CCDC110: variants seen among roughly 807,000 people sequenced by gnomAD.
CCDC110 encodes the protein coiled-coil domain-containing protein 110.
CCDC110 carries 70 observed loss-of-function variants against 77.1 expected under a neutral mutation model. The ratio of observed to expected loss-of-function variants is 0.91; its 90% CI spans 0.75 to 1.11. CCDC110 has a LOEUF of 1.11. CCDC110 is among the 50% of genes least tolerant of loss of function. CCDC110 has a pLI of 0.00. For missense variants in CCDC110, 868 were observed against 942.9 expected (o/e 0.92, Z 1.04); for synonymous variants, 295 against 312.5 (o/e 0.94, Z 0.59).
chr4:185,461,172 A>C lies in CCDC110; in HGVS notation c.238-13T>G. On this transcript the variant is annotated splice_polypyrimidine_tract_variant and intron_variant, in intron 4 of 6. Transcript: ENST00000307588. ...TTTCCGACTGTACCTTTAAAAGATA[A>C]ATTGAGAAAAATTTGATTTCAGATT... The C allele has an allele frequency of 1.5e-6, 2 of 1,307,788 alleles. No homozygotes were observed. The highest frequency in any genetic ancestry group is 2.2e-6 in the Non-Finnish European group (2 of 925,414). The allele number at this position is 1,307,788 out of a possible 1,614,324, so 81.0% of individuals were successfully genotyped here. A position where few individuals can be genotyped will look rare whatever the true frequency, so the allele number is the denominator to read the frequency against.
chr4:185,455,382 CCTA>C (rs1166384159), intron 6 of CCDC110, among the ~76,000 whole-genome samples: 1 of 151,938 alleles, frequency 6.6e-6, no homozygotes, highest in African/African-American at 2.4e-5. Flanking sequence ...CAGAGTTTCT[CCTA>C]CTGATTCATC....
At chr4:185,463,781 G>A (rs1462757885) in intron 2 of CCDC110, among the ~76,000 whole-genome samples, 1 of 152,092 alleles carries the variant, frequency 6.6e-6, no homozygotes, top group East Asian at 1.9e-4. Context: ...ATTATAGATG[G>A]GCCAGAAGGG....
intron 2 of CCDC110, 97 bp downstream of exon 2, chr4:185,470,848 A>G (rs1686352290): frequency 1.1e-6 from 1 of 889,334 alleles, no homozygotes; most frequent in Admixed American, 1.7e-5. Context: ...CCGTGTCATC[A>G]CGGCCGTGGG....
intron 2 of CCDC110, among the ~76,000 whole-genome samples, chr4:185,463,786 G>C (rs1041361775): frequency 6.6e-6 from 1 of 152,204 alleles, no homozygotes; most frequent in Admixed American, 6.5e-5. Context: ...AGATGGGCCA[G>C]AAGGGGCCCT....
At chr4:185,466,171 C>T (rs1387456084) in intron 2 of CCDC110, among the ~76,000 whole-genome samples, 2 of 152,040 alleles carry the variant, frequency 1.3e-5, no homozygotes, top group East Asian at 1.9e-4. Flanking sequence ...GTCAGGAGAT[C>T]GAGACCATCC....
intron 2 of CCDC110, among the ~76,000 whole-genome samples, chr4:185,467,266 C>T (rs1281051629): frequency 6.6e-6 from 1 of 152,174 alleles, no homozygotes; most frequent in Non-Finnish European, 1.5e-5. Flanking sequence ...GGCAGGGAGT[C>T]GGATTCATCT....
At chr4:185,461,534 A>G (rs2095646443) in intron 4 of CCDC110, among the ~76,000 whole-genome samples, 2 of 152,150 alleles carry the variant, frequency 1.3e-5, no homozygotes, top group South Asian at 2.1e-4. Flanking sequence ...GAATATTGGG[A>G]TGAAGTTTAC....
At position 185,459,174 on chromosome 4, in the gene CCDC110, C is replaced by A. The variant is rs773450079; in HGVS notation, c.1413G>T (p.Gln471His). Residue 471 changes from glutamine (Q) to histidine (H), a missense_variant, in exon 6 of 7, where the codon CAG becomes CAT. Physicochemically the swap from Gln to His is conservative, Grantham distance 24. Transcript: ENST00000307588. ...PLIFTTQSLI[Q>H]KVETYEKQLK... is the part of the protein sequence containing the mutation. ...GTTGCTTTTCATATGTTTCAACTTT[C>A]TGTATGAGAGATTGTGTGGTAAAGA... 1 of 1,601,364 alleles carries A rather than the reference C, an allele frequency of 6.2e-7. No individual in the cohort carries two copies. Among genetic ancestry groups the A allele is most frequent in the South Asian group, 1.1e-5 (1 of 88,006 alleles).
chr4:185,448,584 C>A (rs2095621531), intron 6 of CCDC110, among the ~76,000 whole-genome samples: 1 of 152,176 alleles, frequency 6.6e-6, no homozygotes, highest in Non-Finnish European at 1.5e-5. Context: ...GTAATTTAAA[C>A]TGTTGTCTAC....
intron 6 of CCDC110, among the ~76,000 whole-genome samples, chr4:185,448,899 A>T (rs1445604887): frequency 3.3e-5 from 5 of 152,186 alleles, no homozygotes; most frequent in African/African-American, 7.2e-5. Flanking sequence ...AGAATAAGTG[A>T]TTATTCTTTT....
At chr4:185,461,002 G>GTTTTTTTTTTTTTTT (rs1554033398) in intron 5 of CCDC110, 47 bp downstream of exon 5, 19 of 951,100 alleles carry the variant, frequency 2.0e-5, no homozygotes, top group South Asian at 5.5e-5. Context: ...TGGTAGTCAC[G>GTTTTTTTTTTTTTTT]TTTTGAAGTA....
intron 2 of CCDC110, chr4:185,470,678 G>T: frequency 1.8e-6 from 1 of 565,084 alleles, no homozygotes; most frequent in Non-Finnish European, 3.4e-6. Context: ...CTGCCTGTGT[G>T]ACCTTAGGGA....
intron 6 of CCDC110, among the ~76,000 whole-genome samples, chr4:185,446,436 TG>T (rs1426288466): frequency 6.6e-6 from 1 of 152,202 alleles, no homozygotes; most frequent in East Asian, 1.9e-4. Context: ...GAGAAGATTC[TG>T]TGGTCCCTGG....
chr4:185,463,085 T>G lies in CCDC110; in HGVS notation c.116-36A>C, dbSNP rs1370648197. ...AAATTGAAAAACCATGTGACTTAAT[T>G]CTTAAATTTTATTTTTTAAAACCTG... On this transcript the variant is annotated intron_variant, in intron 2 of 6. Transcript: ENST00000307588. The G allele has an allele frequency of 3.2e-6, 5 of 1,543,640 alleles. No individual in the cohort carries two copies. In the East Asian group the frequency reaches 1.1e-4, roughly 35 times the overall value.
chr4:185,449,523 A>C, intron 6 of CCDC110: 1 of 391,686 alleles, frequency 2.6e-6, no homozygotes, highest in Non-Finnish European at 3.7e-6. Context: ...ACCCGGTCTT[A>C]AAAAAAAAAA....
At chr4:185,449,367 A>G (rs2095624526) in intron 6 of CCDC110, among the ~76,000 whole-genome samples, 1 of 152,122 alleles carries the variant, frequency 6.6e-6, no homozygotes, top group Non-Finnish European at 1.5e-5. Context: ...CAAAAAATAT[A>G]AAAATTAGCC....
chr4:185,462,639 A>G lies in CCDC110; in HGVS notation c.237+4T>C. 6.2e-7 allele frequency: 1 copy of G among 1,610,558 alleles called. No homozygotes were observed. The highest frequency in any genetic ancestry group is 1.1e-5 in the South Asian group (1 of 91,006). On this transcript the variant is annotated splice_donor_region_variant and intron_variant, in intron 4 of 6. Transcript: ENST00000307588. ...ATTTCATATATAGATCAAAAGAAAC[A>G]TACCATGCTGACATTCTGCAAAGTC...
chr4:185,449,215 A>G (rs999954030), intron 6 of CCDC110, among the ~76,000 whole-genome samples: 1 of 152,188 alleles, frequency 6.6e-6, no homozygotes, highest in Non-Finnish European at 1.5e-5. Flanking sequence ...TTTAATGAAA[A>G]TAGTTTTTAT....
chr4:185,457,817 T>C, intron 6 of CCDC110: 1 of 1,387,572 alleles, frequency 7.2e-7, no homozygotes. Context: ...TTGGAATTCC[T>C]AGGGAAAAAA....
Sources: allele counts gnomAD v4.1 joint callset (sites outside exome capture counted in the v4.1 genomes callset), GRCh38; gene constraint gnomAD v4.1.1; transcripts MANE v1.5; gene names NCBI Gene and HGNC (gene_info 2026-07-23, HGNC 2026-07-21).